The following LHFPL4 variants were observed in gnomAD, a reference collection of about 807,000 sequenced individuals.
LHFPL4 encodes LHFPL tetraspan subfamily member 4 protein.
Under a neutral mutation model 20.0 loss-of-function variants are expected in LHFPL4, and 6 were observed. That is an observed-to-expected ratio of 0.30 (90% CI 0.16 to 0.59). LHFPL4 has a LOEUF of 0.59. Ranked by LOEUF, LHFPL4 falls within the 20% of genes least tolerant of loss-of-function variation. The probability of loss-of-function intolerance (pLI) is 0.88; values close to 1 mark genes in which losing one functional copy is unlikely to be tolerated. For missense variants in LHFPL4, 215 were observed against 331.2 expected, an observed-to-expected ratio of 0.65 and a Z score of 2.72; for synonymous variants, 129 against 143.8, an observed-to-expected ratio of 0.90 and a Z score of 0.74.
chr3:9,516,873 G>A (rs752809271), intron 2 of LHFPL4, among the ~76,000 whole-genome samples: 5 of 146,516 alleles, frequency 3.4e-5, no homozygotes, highest in Non-Finnish European at 7.4e-5. Flanking sequence ...TCCACCACCT[G>A]GGTTCAAGTG....
chr3:9,504,081 T>C (rs1324537466), intron 3 of LHFPL4, among the ~76,000 whole-genome samples: 1 of 151,544 alleles, frequency 6.6e-6, no homozygotes, highest in Non-Finnish European at 1.5e-5. Context: ...ATTCAATAAC[T>C]ATAACTCAGC....
rs546689221 is a variant in LHFPL4, at chr3:9,525,878, A to G, written c.407-19675T>C. Among the ~76,000 whole-genome samples, 10 of 152,350 alleles carry G rather than the reference A, an allele frequency of 6.6e-5. No individual in the cohort carries two copies. The South Asian group carries it at 2.1e-3, about 32-fold the overall frequency. ...GTTATGAAACAGGCACAGAAAGGTT[A>G]AATGATGAGTCTGACCTAGCCTTCC... On this transcript the variant is annotated intron_variant, in intron 2 of 3. Transcript: ENST00000287585.
intron 3 of LHFPL4, among the ~76,000 whole-genome samples, chr3:9,503,987 C>T (rs910379571): frequency 1.3e-5 from 2 of 152,166 alleles, no homozygotes; most frequent in African/African-American, 4.8e-5. Context: ...GATTGCACCA[C>T]TGCACTCCAG....
intron 2 of LHFPL4, among the ~76,000 whole-genome samples, chr3:9,538,756 T>A (rs2046458961): frequency 1.3e-5 from 2 of 151,510 alleles, no homozygotes; most frequent in African/African-American, 4.9e-5. Flanking sequence ...TGGAGTGCAA[T>A]GGCGCAATCT....
chr3:9,518,925 GTTTATTTA>G (rs111239616), intron 2 of LHFPL4, among the ~76,000 whole-genome samples: 40 of 145,140 alleles, frequency 2.8e-4, no homozygotes, highest in African/African-American at 9.3e-4. Context: ...GCTAATTTTT[GTTTATTTA>G]TTTATTTATT....
At chr3:9,511,228 G>A (rs540543254) in intron 2 of LHFPL4, among the ~76,000 whole-genome samples, 133 of 151,934 alleles carry the variant, frequency 8.8e-4, no homozygotes, top group African/African-American at 3.1e-3. Context: ...GCGGGTGCCT[G>A]TAGTCCCAGC....
At chr3:9,535,674 A>G (rs1017787882) in intron 2 of LHFPL4, among the ~76,000 whole-genome samples, 12 of 152,186 alleles carry the variant, frequency 7.9e-5, no homozygotes, top group Non-Finnish European at 1.5e-4. Flanking sequence ...CCCTCCTTCA[A>G]TTTAGGAAGG....
chr3:9,507,491 CAGTA>C (rs1301663046), intron 2 of LHFPL4, among the ~76,000 whole-genome samples: 2 of 152,222 alleles, frequency 1.3e-5, no homozygotes, highest in African/African-American at 4.8e-5. Context: ...GTGCCTGGCA[CAGTA>C]AGTTCTGGGT....
At chr3:9,504,171 G>C (rs905803526) in intron 3 of LHFPL4, among the ~76,000 whole-genome samples, 3 of 152,202 alleles carry the variant, frequency 2.0e-5, no homozygotes, top group African/African-American at 7.2e-5. Context: ...AGGAGTTTGA[G>C]ACCAGCCTGG....
At position 9,502,094 on chromosome 3, in the gene LHFPL4, C is replaced by T. The variant is rs1008559419; in HGVS notation, c.*117G>A. Reference sequence around the variant, plus strand: ...CAAAGCCTGGAGCTTGCAGGGTAGTCGGTGAGAAGTAAGTCTGAGATCAGG... The same window carrying T: ...CAAAGCCTGGAGCTTGCAGGGTAGTTGGTGAGAAGTAAGTCTGAGATCAGG... On this transcript the variant is annotated 3_prime_UTR_variant, in exon 4 of 4. Transcript: ENST00000287585. The T allele has an allele frequency of 5.3e-6, 4 of 749,664 alleles. No individual in the cohort carries two copies. Among genetic ancestry groups the T allele is most frequent in the East Asian group, 2.7e-5 (1 of 37,526 alleles). 46.4% of individuals were successfully genotyped at this position (749,664 alleles called of 1,614,324 possible).
intron 2 of LHFPL4, among the ~76,000 whole-genome samples, chr3:9,515,818 C>G (rs1484720444): frequency 6.6e-6 from 1 of 151,236 alleles, no homozygotes; most frequent in Non-Finnish European, 1.5e-5. Context: ...TGGGTTCAAG[C>G]AATTCTCTGC....
At chr3:9,504,831 A>AG (rs982706016) in intron 3 of LHFPL4, among the ~76,000 whole-genome samples, 12 of 151,860 alleles carry the variant, frequency 7.9e-5, no homozygotes, top group African/African-American at 2.9e-4. Context: ...TCTCAAAAAA[A>AG]AAAAAATACT....
intron 2 of LHFPL4, among the ~76,000 whole-genome samples, chr3:9,516,467 ACTGT>A (rs1294007489): frequency 1.4e-5 from 2 of 147,850 alleles, no homozygotes; most frequent in African/African-American, 4.9e-5. Flanking sequence ...CCAGTACCAC[ACTGT>A]CTTTTTTTTT....
chr3:9,551,181 C>T (rs1447088278), intron 2 of LHFPL4: 1 of 152,226 alleles, frequency 6.6e-6, no homozygotes, highest in Admixed American at 6.5e-5. Context: ...ATAATGCCTC[C>T]TCCAGGGGGT....
At chr3:9,544,683 G>A (rs1438879321) in intron 2 of LHFPL4, among the ~76,000 whole-genome samples, 1 of 152,056 alleles carries the variant, frequency 6.6e-6, no homozygotes, top group Admixed American at 6.6e-5. Flanking sequence ...CCATGACTTA[G>A]AAGGTCTCTA....
chr3:9,538,943 G>A (rs2046460494), intron 2 of LHFPL4, among the ~76,000 whole-genome samples: 1 of 151,822 alleles, frequency 6.6e-6, no homozygotes, highest in Non-Finnish European at 1.5e-5. Flanking sequence ...CAGGTGATCT[G>A]CCCACCTTGG....
chr3:9,518,777 T>C (rs943750043), intron 2 of LHFPL4, among the ~76,000 whole-genome samples: 3 of 151,256 alleles, frequency 2.0e-5, no homozygotes, highest in Non-Finnish European at 2.9e-5. Context: ...TTTTTTTTTT[T>C]TCTTTGAAAC....
chr3:9,517,821 T>TTTTTTTTC (rs2046313979), intron 2 of LHFPL4, among the ~76,000 whole-genome samples: 1 of 140,496 alleles, frequency 7.1e-6, no homozygotes, highest in African/African-American at 2.6e-5. Flanking sequence ...TTTTTTTTTT[T>TTTTTTTTC]GCTTGATTCT....
At chr3:9,519,733 C>T (rs1352045464) in intron 2 of LHFPL4, among the ~76,000 whole-genome samples, 1 of 151,864 alleles carries the variant, frequency 6.6e-6, no homozygotes, top group Admixed American at 6.6e-5. Flanking sequence ...TAATTTTTTT[C>T]GTTAGAGATG....
Sources: gnomAD v4.1 joint callset for allele counts (sites outside exome capture counted in the v4.1 genomes callset) on GRCh38, gnomAD v4.1.1 for gene constraint, MANE v1.5 for transcripts, NCBI Gene and HGNC (gene_info 2026-07-23, HGNC 2026-07-21) for gene names.